The following PTK2 variants were observed in gnomAD, a reference collection of about 807,000 sequenced individuals.
PTK2 encodes focal adhesion kinase 1.
Under a neutral mutation model 150.1 loss-of-function variants are expected in PTK2, and 45 were observed. That is an observed-to-expected ratio of 0.30 (90% confidence interval 0.24 to 0.38). The LOEUF is 0.38. Ranked by LOEUF, PTK2 falls within the 10% of genes least tolerant of loss-of-function variation. The pLI is 1.00. For missense variants in PTK2, 919 were observed against 1,307.3 expected (o/e 0.70, Z 4.58); for synonymous variants, 432 against 449.2 (o/e 0.96, Z 0.48).
chr8:140,873,412 T>G (rs912189677), intron 4 of PTK2, among the ~76,000 whole-genome samples: 4 of 152,232 alleles, frequency 2.6e-5, no homozygotes, highest in Non-Finnish European at 5.9e-5. Context: ...ATTTTCTCTT[T>G]TATGATAACA....
intron 14 of PTK2, among the ~76,000 whole-genome samples, chr8:140,766,030 G>A (rs912376345): frequency 6.6e-6 from 1 of 152,034 alleles, no homozygotes; most frequent in Non-Finnish European, 1.5e-5. Context: ...TATAAAGCAC[G>A]TGCCTTTAGG....
intron 30 of PTK2, among the ~76,000 whole-genome samples, chr8:140,665,672 C>T (rs1430945847): frequency 6.6e-6 from 1 of 152,152 alleles, no homozygotes; most frequent in African/African-American, 2.4e-5. Context: ...CATCAAATTA[C>T]ATGTAATATG....
chr8:140,746,488 T>TA, intron 18 of PTK2: 2 of 303,184 alleles, frequency 6.6e-6, no homozygotes. Context: ...AGAGAAAAAA[T>TA]AAAACCAAAC....
intron 2 of PTK2, among the ~76,000 whole-genome samples, chr8:140,917,393 T>G (rs2100165705): frequency 6.6e-6 from 1 of 151,176 alleles, no homozygotes; most frequent in Non-Finnish European, 1.5e-5. Flanking sequence ...GGAGGGCAGA[T>G]GAGAGGAGAG....
At chr8:140,767,403 G>A (rs1285529418) in intron 14 of PTK2, among the ~76,000 whole-genome samples, 1 of 152,080 alleles carries the variant, frequency 6.6e-6, no homozygotes, top group Non-Finnish European at 1.5e-5. Context: ...AATCAACAAT[G>A]TTGCAGGTAA....
rs71308987 is a variant in PTK2 at position 140,719,887 on chromosome 8, CAAAAAAAAA to C, written c.2031-2187_2031-2179del. On this transcript the variant is annotated intron_variant, in intron 22 of 31. Transcript: ENST00000522684. ...GGTGACAGAGTGAGACTTGTCTCACCAAAAAAAAAAAAAAAAAAAAAAAAAAATCAAAAA... is the reference window on the plus strand; with the variant it reads ...GGTGACAGAGTGAGACTTGTCTCACCAAAAAAAAAAAAAAAAAATCAAAAA... 1.3e-3 allele frequency among the ~76,000 whole-genome samples: 116 copies of C among 90,872 alleles called. 1 individual carries two copies. Among genetic ancestry groups the C allele is most frequent in the Middle Eastern group, 6.1e-3 (1 of 164 alleles). The allele number at this position is 90,872 out of a possible 152,430, so 59.6% of individuals were successfully genotyped here. A position where few individuals can be genotyped will look rare whatever the true frequency, so the allele number is the denominator to read the frequency against.
intron 26 of PTK2, among the ~76,000 whole-genome samples, chr8:140,699,907 C>A (rs1284466498): frequency 6.6e-6 from 1 of 151,704 alleles, no homozygotes; most frequent in East Asian, 1.9e-4. Flanking sequence ...AATAAATGGA[C>A]AGGTCCACAT....
At chr8:140,670,550 A>T (rs995337961) in intron 29 of PTK2, among the ~76,000 whole-genome samples, 1 of 146,582 alleles carries the variant, frequency 6.8e-6, no homozygotes, top group African/African-American at 2.5e-5. Context: ...TTGGGAGCTT[A>T]TTTTAAAAAC....
intron 5 of PTK2, among the ~76,000 whole-genome samples, chr8:140,855,173 T>G (rs2100131763): frequency 6.6e-6 from 1 of 152,168 alleles, no homozygotes; most frequent in Non-Finnish European, 1.5e-5. Context: ...CTGATTCATT[T>G]ACATAGAAAT....
At position 140,759,946 on chromosome 8, in the gene PTK2, G is replaced by A. The variant is rs140302081; in HGVS notation, c.1332+1219C>T. On this transcript the variant is annotated intron_variant, in intron 16 of 31. Transcript: ENST00000522684. ...GAACTAAAAACATAAATCCAGGGCCGGGCACGATGGCTCACACCTGTAATC... is the reference window on the plus strand; with the variant it reads ...GAACTAAAAACATAAATCCAGGGCCAGGCACGATGGCTCACACCTGTAATC... Among the ~76,000 whole-genome samples the A allele has an allele frequency of 1.4e-3, 219 of 151,150 alleles. 1 individual carries two copies. The highest frequency in any genetic ancestry group is 5.1e-3 in the African/African-American group (208 of 41,156).
chr8:140,724,223 A>ACAGT (rs1413121722), intron 22 of PTK2, among the ~76,000 whole-genome samples: 1 of 152,236 alleles, frequency 6.6e-6, no homozygotes, highest in Non-Finnish European at 1.5e-5. Flanking sequence ...AGTAAAAATC[A>ACAGT]CAGTCTACCC....
At chr8:140,962,771 A>C in intron 1 of PTK2, among the ~76,000 whole-genome samples, 2 of 147,522 alleles carry the variant, frequency 1.4e-5, no homozygotes, top group African/African-American at 2.5e-5. Flanking sequence ...ACAGAGCGAG[A>C]CTCCCTCAAA....
At chr8:140,670,499 AC>A (rs2095089877) in intron 29 of PTK2, among the ~76,000 whole-genome samples, 1 of 58,798 alleles carries the variant, frequency 1.7e-5, no homozygotes, top group African/African-American at 5.9e-5. Flanking sequence ...ACACACACAC[AC>A]ACACACACAC....
chr8:140,813,337 G>T (rs1402599859), intron 10 of PTK2, among the ~76,000 whole-genome samples: 1 of 151,652 alleles, frequency 6.6e-6, no homozygotes, highest in Admixed American at 6.6e-5. Flanking sequence ...AAATGAATGA[G>T]AACCAAGACA....
At chr8:140,669,766 A>C in intron 29 of PTK2, 31 bp from the exon 33 acceptor site, 1 of 1,527,298 alleles carries the variant, frequency 6.5e-7, no homozygotes, top group Non-Finnish European at 8.8e-7. Flanking sequence ...AGGAAAAGTT[A>C]AAGGAATTTA....
At chr8:140,659,410 G>A in exon 32 of PTK2, 1 of 1,484,346 alleles carries the variant, frequency 6.7e-7, no homozygotes, top group East Asian at 2.3e-5. Context: ...CGCTGCTGGT[G>A]GAAGGCTAGA....
chr8:140,911,428 T>C (rs1393125576), intron 2 of PTK2, among the ~76,000 whole-genome samples: 1 of 152,150 alleles, frequency 6.6e-6, no homozygotes, highest in Non-Finnish European at 1.5e-5. Flanking sequence ...TGGTTTAATG[T>C]TTTCTGCTGA....
intron 20 of PTK2, among the ~76,000 whole-genome samples, chr8:140,740,328 C>A (rs775655856): frequency 1.3e-5 from 2 of 152,138 alleles, no homozygotes; most frequent in Non-Finnish European, 2.9e-5. Context: ...CCAGGGAAGG[C>A]TGCAGGGAGA....
rs2100167057 is a variant in PTK2 at position 140,920,675 on chromosome 8, C to T, written c.-33+4986G>A. ...TTGGTTTTATGTAATAGCTGTAAAC[C>T]CATACCAAATCTATTTCCATTTTTC... On this transcript the variant is annotated intron_variant, in intron 2 of 31. Coordinates refer to ENST00000522684, the Ensembl canonical transcript of PTK2. 5 of 814,372 alleles carry T rather than the reference C, an allele frequency of 6.1e-6. No homozygotes were observed. The East Asian group carries it at 9.6e-5, about 16-fold the overall frequency. The allele number at this position is 814,372 out of a possible 1,614,324, so 50.4% of individuals were successfully genotyped here.
Sources: gnomAD v4.1 joint callset for allele counts (sites outside exome capture counted in the v4.1 genomes callset) on GRCh38, gnomAD v4.1.1 for gene constraint, MANE v1.5 for transcripts, NCBI Gene and HGNC (gene_info 2026-07-23, HGNC 2026-07-21) for gene names.